The following OPCML variants were observed in gnomAD, a reference collection of about 807,000 sequenced individuals.
OPCML encodes the protein opioid-binding protein/cell adhesion molecule.
OPCML carries 13 observed loss-of-function variants against 37.8 expected under a neutral mutation model. The observed-to-expected ratio is 0.34, with a 90% CI of 0.22 to 0.55. The LOEUF is 0.55. OPCML is among the 20% of genes least tolerant of loss of function. The probability of loss-of-function intolerance (pLI) is 0.91; values close to 1 mark genes in which losing one functional copy is unlikely to be tolerated. For synonymous variants in OPCML, 176 were observed against 168.8 expected (o/e 1.04, Z -0.33); for missense variants, 341 against 435.6 (o/e 0.78, Z 1.93).
At chr11:133,203,770 A>C (rs2136324039) in intron 1 of OPCML, among the ~76,000 whole-genome samples, 1 of 152,322 alleles carries the variant, frequency 6.6e-6, no homozygotes, top group South Asian at 2.1e-4. Context: ...AAACAGATGC[A>C]AAGGACGGCC....
chr11:132,986,761 T>C (rs1946688416), intron 1 of OPCML, among the ~76,000 whole-genome samples: 1 of 152,122 alleles, frequency 6.6e-6, no homozygotes, highest in African/African-American at 2.4e-5. Context: ...GAATGGGTAA[T>C]CGAGAGTTAA....
chr11:132,588,003 T>A (rs1012920375), intron 3 of OPCML, among the ~76,000 whole-genome samples: 12 of 152,140 alleles, frequency 7.9e-5, no homozygotes, highest in African/African-American at 2.9e-4. Flanking sequence ...GGGCCTCCCC[T>A]TGGGGATACA....
At chr11:132,767,902 C>T (rs917383133) in intron 2 of OPCML, among the ~76,000 whole-genome samples, 3 of 152,012 alleles carry the variant, frequency 2.0e-5, no homozygotes, top group Non-Finnish European at 4.4e-5. Flanking sequence ...ATATTTTATA[C>T]TCAGATAGGT....
chr11:133,008,712 C>T (rs367588886), intron 1 of OPCML: 18 of 231,284 alleles, frequency 7.8e-5, no homozygotes, highest in African/African-American at 4.0e-4. Context: ...AGAATCTCCA[C>T]AGGACTGACT....
chr11:132,708,820 T>C (rs1944141760), intron 2 of OPCML, among the ~76,000 whole-genome samples: 1 of 152,170 alleles, frequency 6.6e-6, no homozygotes. Context: ...TACACATACA[T>C]TATGGCTACC....
chr11:133,307,652 A>T (rs1942959799), intron 1 of OPCML, among the ~76,000 whole-genome samples: 1 of 152,180 alleles, frequency 6.6e-6, no homozygotes, highest in Non-Finnish European at 1.5e-5. Context: ...GGGCAAGAGC[A>T]ACAGCAGCAA....
intron 2 of OPCML, among the ~76,000 whole-genome samples, chr11:132,723,321 G>C (rs1944748317): frequency 6.6e-6 from 1 of 152,194 alleles, no homozygotes; most frequent in Non-Finnish European, 1.5e-5. Context: ...CATTAGGTGA[G>C]GGGAAGCATT....
At chr11:133,483,661 T>C (rs543745550) in intron 1 of OPCML, among the ~76,000 whole-genome samples, 2 of 146,942 alleles carry the variant, frequency 1.4e-5, no homozygotes, top group East Asian at 4.2e-4. Flanking sequence ...GATAGACAGA[T>C]TAGATAAATA....
chr11:133,486,727 C>T (rs1046705520), intron 1 of OPCML, among the ~76,000 whole-genome samples: 4 of 152,152 alleles, frequency 2.6e-5, no homozygotes, highest in Admixed American at 6.6e-5. Context: ...CTCTTGCCGT[C>T]TCTACTCGGA....
chr11:132,825,508 T>C (rs982339213), intron 2 of OPCML, among the ~76,000 whole-genome samples: 2 of 152,208 alleles, frequency 1.3e-5, no homozygotes, highest in Admixed American at 6.5e-5. Context: ...AATGAGGTAA[T>C]AATATATTTG....
chr11:132,950,980 T>C (rs1433359919), intron 1 of OPCML, among the ~76,000 whole-genome samples: 1 of 152,176 alleles, frequency 6.6e-6, no homozygotes, highest in Non-Finnish European at 1.5e-5. Flanking sequence ...TGTTTTGACT[T>C]CCCTGCTGTG....
At chr11:133,200,630 C>G (rs1274839503) in intron 1 of OPCML, among the ~76,000 whole-genome samples, 1 of 152,142 alleles carries the variant, frequency 6.6e-6, no homozygotes, top group African/African-American at 2.4e-5. Context: ...TATAGATACA[C>G]TGATATTTTT....
At chr11:133,340,654 G>T (rs1228282201) in intron 1 of OPCML, among the ~76,000 whole-genome samples, 1 of 144,696 alleles carries the variant, frequency 6.9e-6, no homozygotes, top group Non-Finnish European at 1.5e-5. Flanking sequence ...GTGTGTAAGA[G>T]CTTTTACATT....
intron 2 of OPCML, among the ~76,000 whole-genome samples, chr11:132,707,200 T>C (rs1473014864): frequency 6.6e-6 from 1 of 152,166 alleles, no homozygotes; most frequent in Non-Finnish European, 1.5e-5. Context: ...GATGATGCAC[T>C]GTATGAGAGA....
intron 2 of OPCML, among the ~76,000 whole-genome samples, chr11:132,912,395 A>T (rs1944455224): frequency 6.6e-6 from 1 of 152,106 alleles, no homozygotes; most frequent in South Asian, 2.1e-4. Flanking sequence ...GATACAATAA[A>T]CCCCTTTCCA....
chr11:132,884,535 C>A (rs1046664889), intron 2 of OPCML, among the ~76,000 whole-genome samples: 1 of 152,120 alleles, frequency 6.6e-6, no homozygotes, highest in African/African-American at 2.4e-5. Flanking sequence ...CATGAGGAGA[C>A]ATATAAAGTG....
At chr11:133,062,430 T>C (rs2136991644) in intron 1 of OPCML, among the ~76,000 whole-genome samples, 1 of 152,364 alleles carries the variant, frequency 6.6e-6, no homozygotes, top group South Asian at 2.1e-4. Context: ...TGACAAATAC[T>C]GCTGAGTAGT....
At chr11:132,459,843 A>G (rs1352024225) in intron 4 of OPCML, among the ~76,000 whole-genome samples, 3 of 152,206 alleles carry the variant, frequency 2.0e-5, no homozygotes, top group African/African-American at 7.2e-5. Flanking sequence ...CAAGTTTTCC[A>G]AAGTTCTAAT....
At chr11:133,527,511 G>A (rs1042534121) in intron 1 of OPCML, among the ~76,000 whole-genome samples, 1 of 152,114 alleles carries the variant, frequency 6.6e-6, no homozygotes, top group Non-Finnish European at 1.5e-5. Flanking sequence ...TCATCACTGT[G>A]ACAAAGACAT....
Sources: allele counts gnomAD v4.1 joint callset (sites outside exome capture counted in the v4.1 genomes callset), GRCh38; gene constraint gnomAD v4.1.1; transcripts MANE v1.5; gene names NCBI Gene and HGNC (gene_info 2026-07-23, HGNC 2026-07-21).